The following TSEN2 variants were observed in gnomAD, a reference collection of about 807,000 sequenced individuals.
TSEN2 encodes tRNA splicing endonuclease subunit 2, also known as tRNA-splicing endonuclease subunit Sen2.
Under a neutral mutation model 59.2 loss-of-function variants are expected in TSEN2, and 54 were observed. That is an observed-to-expected ratio of 0.91 (90% CI 0.73 to 1.14). The LOEUF (loss-of-function observed/expected upper bound fraction) is 1.14, where lower values mean the gene tolerates loss of function less well. Ranked by LOEUF, TSEN2 falls within the 50% of genes most tolerant of loss-of-function variation. TSEN2 has a pLI of 0.00. For synonymous variants in TSEN2, 195 were observed against 198.2 expected (o/e 0.98, Z 0.14); for missense variants, 636 against 576.2 (o/e 1.10, Z -1.06).
chr3:12,508,696 A>G (rs1284260406), intron 6 of TSEN2, among the ~76,000 whole-genome samples: 3 of 152,178 alleles, frequency 2.0e-5, no homozygotes, highest in Non-Finnish European at 4.4e-5. Context: ...CATTCAGAAC[A>G]GAGATTTGGA....
intron 9 of TSEN2, 74 bp from the exon 10 acceptor site, chr3:12,529,688 T>TG (rs1254745563): frequency 7.3e-6 from 10 of 1,363,638 alleles, no homozygotes; most frequent in Non-Finnish European, 1.0e-5. Context: ...TATTTGTTCT[T>TG]GGTAGGACAA....
intron 4 of TSEN2, among the ~76,000 whole-genome samples, chr3:12,500,379 A>T (rs2054176600): frequency 6.6e-6 from 1 of 152,112 alleles, no homozygotes; most frequent in Non-Finnish European, 1.5e-5. Context: ...TTGACTTTTC[A>T]TAGCGATCCT....
intron 4 of TSEN2, among the ~76,000 whole-genome samples, chr3:12,502,007 TAAC>T (rs920384351): frequency 1.3e-5 from 2 of 152,188 alleles, no homozygotes; most frequent in African/African-American, 4.8e-5. Context: ...TTTAGAAACT[TAAC>T]AAGAATTTTA....
downstream of TSEN2, among the ~76,000 whole-genome samples, chr3:12,534,279 G>T (rs1037633204): frequency 5.3e-5 from 8 of 152,116 alleles, no homozygotes; most frequent in Admixed American, 3.9e-4. Flanking sequence ...ATTCCATGAC[G>T]ACCACCTATG....
chr3:12,528,843 T>A, intron 8 of TSEN2, 45 bp from the exon 9 acceptor site: 1 of 1,607,902 alleles, frequency 6.2e-7, no homozygotes, highest in Non-Finnish European at 8.5e-7. Context: ...TCCTCTCTCA[T>A]TATTTTGAGT....
At chr3:12,528,850 G>A in intron 8 of TSEN2, 38 bp from the exon 9 acceptor site, 1 of 1,611,152 alleles carries the variant, frequency 6.2e-7, no homozygotes, top group Non-Finnish European at 8.5e-7. Flanking sequence ...TCATTATTTT[G>A]AGTGGTTATA....
rs915048387 is a variant in TSEN2, at chr3:12,503,902, C to T, written c.831+118C>T. 58 of 1,369,950 alleles carry T rather than the reference C, an allele frequency of 4.2e-5. 1 individual carries two copies. In the South Asian group the frequency reaches 7.1e-4, roughly 17 times the overall value. 84.9% of individuals were successfully genotyped at this position (1,369,950 alleles called of 1,614,324 possible). The stretch of plus-strand genomic sequence containing the variant: ...GGCCTGTTGTAGGGTCCAAGGGAAG[C>T]AGCAGGCTTTGGGCCACAGCAGCTG... On this transcript the variant is annotated intron_variant, in intron 5 of 11. Coordinates refer to ENST00000284995, the MANE Select transcript of TSEN2 (RefSeq NM_025265.4).
chr3:12,487,269 A>G (rs1167228305), intron 1 of TSEN2, among the ~76,000 whole-genome samples: 1 of 152,232 alleles, frequency 6.6e-6, no homozygotes, highest in East Asian at 1.9e-4. Context: ...AGAGTAACAC[A>G]AGAACTTGGA....
chr3:12,508,524 G>A (rs1305498920), intron 6 of TSEN2, among the ~76,000 whole-genome samples: 1 of 152,192 alleles, frequency 6.6e-6, no homozygotes, highest in Non-Finnish European at 1.5e-5. Flanking sequence ...TCTCACCCCT[G>A]CTGTGGTGAT....
At chr3:12,484,035 G>T (rs1263914171), upstream of TSEN2, among the ~76,000 whole-genome samples, 5 of 152,324 alleles carry the variant, frequency 3.3e-5, no homozygotes, top group Middle Eastern at 3.4e-3. Flanking sequence ...AAACGTCCTT[G>T]CAAGTTCCCC....
chr3:12,530,021 G>T (rs772137911), intron 10 of TSEN2, 148 bp downstream of exon 10: 6 of 1,466,366 alleles, frequency 4.1e-6, no homozygotes, highest in Non-Finnish European at 5.4e-6. Flanking sequence ...GGGGTCATTC[G>T]TACCCTTCCC....
At chr3:12,508,062 G>A (rs1001327482) in intron 6 of TSEN2, among the ~76,000 whole-genome samples, 2 of 152,286 alleles carry the variant, frequency 1.3e-5, no homozygotes, top group East Asian at 1.9e-4. Flanking sequence ...AGGGGATTCC[G>A]TAGGGGAGTG....
intron 8 of TSEN2, among the ~76,000 whole-genome samples, chr3:12,524,852 C>T (rs1169202935): frequency 2.0e-5 from 3 of 151,356 alleles, no homozygotes; most frequent in Non-Finnish European, 4.4e-5. Flanking sequence ...AAGTGATTCT[C>T]CTGCCTCAGC....
chr3:12,530,130 A>T, intron 10 of TSEN2: 2 of 1,376,670 alleles, frequency 1.5e-6, no homozygotes, highest in Non-Finnish European at 1.9e-6. Context: ...GGAGTGTCCC[A>T]TGGTGATCTG....
chr3:12,480,785 C>A (rs956242344), upstream of TSEN2, among the ~76,000 whole-genome samples: 1 of 152,038 alleles, frequency 6.6e-6, no homozygotes, highest in Non-Finnish European at 1.5e-5. Flanking sequence ...CAACCCACCT[C>A]GGCCTCCCAG....
Position 12,503,504 on chromosome 3 carries a change from G to A in TSEN2, c.551G>A (p.Gly184Asp). 6.2e-7 allele frequency: 1 copy of A among 1,614,150 alleles called. No individual in the cohort carries two copies. The highest frequency in any genetic ancestry group is 1.1e-5 in the South Asian group (1 of 91,078). ...NGDSGKSGGV[G>D]DPREPLGCLQ... is the part of the protein sequence containing the mutation. ...GACTCTGGAAAGTCAGGTGGTGTGG[G>A]TGATCCCCGTGAGCCATTAGGCTGC... is the stretch of plus-strand genomic sequence containing the variant. Residue 184 changes from glycine to aspartate, a missense_variant, in exon 5 of 12, where the codon GGT becomes GAT. Transcript: ENST00000284995.
chr3:12,506,739 G>GGCTTCTTGGACCTT, intron 6 of TSEN2: 1 of 985,352 alleles, frequency 1.0e-6, no homozygotes, highest in Non-Finnish European at 1.2e-6. Context: ...TGCCTTTGAA[G>GGCTTCTTGGACCTT]CTAGGACCGC....
At chr3:12,482,073 T>TA (rs2052199772), upstream of TSEN2, among the ~76,000 whole-genome samples, 1 of 152,142 alleles carries the variant, frequency 6.6e-6, no homozygotes, top group Non-Finnish European at 1.5e-5. Flanking sequence ...AAAGTGTGTA[T>TA]ATCGAGAATG....
At chr3:12,513,431 GAGGAA>G (rs1218292151) in intron 6 of TSEN2, among the ~76,000 whole-genome samples, 1 of 152,170 alleles carries the variant, frequency 6.6e-6, no homozygotes, top group African/African-American at 2.4e-5. Context: ...TTCCAGAAAG[GAGGAA>G]AACTAAAATT....
Sources: gnomAD v4.1 joint callset for allele counts (sites outside exome capture counted in the v4.1 genomes callset) on GRCh38, gnomAD v4.1.1 for gene constraint, MANE v1.5 for transcripts, NCBI Gene and HGNC (gene_info 2026-07-23, HGNC 2026-07-21) for gene names.